KIAA0319: variants seen among roughly 807,000 people sequenced by gnomAD.
The protein encoded by KIAA0319 is dyslexia-associated protein KIAA0319.
A neutral mutation model predicts 108.4 loss-of-function variants in KIAA0319; 83 were observed. The ratio of observed to expected loss-of-function variants is 0.77; its 90% confidence interval spans 0.64 to 0.92. The LOEUF (loss-of-function observed/expected upper bound fraction) is 0.92. KIAA0319 is among the 40% of genes least tolerant of loss of function. The pLI, the probability that KIAA0319 is intolerant of heterozygous loss-of-function variation, is 0.00. For synonymous variants in KIAA0319, 484 were observed against 510.4 expected, an observed-to-expected ratio of 0.95 and a Z score of 0.70; for missense variants, 1,195 against 1,322.4, an observed-to-expected ratio of 0.90 and a Z score of 1.49.
chr6:24,554,688 T>C, intron 18 of KIAA0319, 57 bp from the exon 19 acceptor site: 1 of 1,209,814 alleles, frequency 8.3e-7, no homozygotes, highest in Non-Finnish European at 1.2e-6. Flanking sequence ...AGAACAACTT[T>C]ATTTTGATGA....
At chr6:24,618,769 TA>T (rs375873090) in intron 1 of KIAA0319, among the ~76,000 whole-genome samples, 3,652 of 142,790 alleles carry the variant, frequency 0.026, 63 homozygotes, top group East Asian at 0.086. Context: ...ATGAAATGTT[TA>T]AAAAAAAAAA....
intron 6 of KIAA0319, among the ~76,000 whole-genome samples, chr6:24,581,888 A>G (rs1766605842): frequency 6.6e-6 from 1 of 152,346 alleles, no homozygotes; most frequent in South Asian, 2.1e-4. Context: ...TCATGCCTGT[A>G]ATCCCAACAC....
intron 10 of KIAA0319, among the ~76,000 whole-genome samples, chr6:24,576,143 C>T (rs1765460865): frequency 6.6e-6 from 1 of 152,206 alleles, no homozygotes; most frequent in Admixed American, 6.5e-5. Flanking sequence ...ATTTTCAGCA[C>T]AGAGCCAATT....
intron 1 of KIAA0319, among the ~76,000 whole-genome samples, chr6:24,609,273 C>CAAAAAAAAAAAAAAAA (rs886616830): frequency 6.7e-5 from 5 of 74,714 alleles, no homozygotes; most frequent in African/African-American, 9.1e-5. Flanking sequence ...GTCTCAAAAA[C>CAAAAAAAAAAAAAAAA]AAAAAAAAAA....
rs757624577 is a variant in KIAA0319, at chr6:24,563,405, C to G, written c.2545G>C (p.Asp849His). 3.7e-6 allele frequency: 6 copies of G among 1,613,858 alleles called. No individual in the cohort carries two copies. The stretch of plus-strand genomic sequence containing the variant: ...ATCTTCTGGACCTTAATGTCCGAGT[C>G]CAGCACGTTCAGCAGCACAGCCAGC... ...RQLAVLLNVL[D>H]SDIKVQKIRA... Residue 849 changes from aspartate to histidine, a missense_variant, in exon 16 of 21, where the codon GAC becomes CAC. Coordinates refer to ENST00000378214, the MANE Select transcript of KIAA0319 (RefSeq NM_014809.4).
intron 3 of KIAA0319, among the ~76,000 whole-genome samples, chr6:24,595,465 T>C (rs1230343679): frequency 3.6e-5 from 5 of 138,082 alleles, no homozygotes; most frequent in African/African-American, 1.4e-4. Context: ...GAGAATGGCG[T>C]GAACCCAGGA....
At chr6:24,592,583 A>C (rs1262193641) in intron 3 of KIAA0319, among the ~76,000 whole-genome samples, 3 of 152,176 alleles carry the variant, frequency 2.0e-5, no homozygotes, top group Non-Finnish European at 4.4e-5. Context: ...ATGACTTCTT[A>C]TTATGCTATG....
chr6:24,619,905 C>T (rs1773686179), intron 1 of KIAA0319, among the ~76,000 whole-genome samples: 1 of 152,152 alleles, frequency 6.6e-6, no homozygotes, highest in African/African-American at 2.4e-5. Flanking sequence ...CAGAGCAAAC[C>T]AAATATAGTT....
rs185766695 is a variant in KIAA0319, at chr6:24,634,554, T to A, written c.-106+11182A>T. Among the ~76,000 whole-genome samples, 19 of 152,286 alleles carry A rather than the reference T, an allele frequency of 1.2e-4. No homozygotes were observed. The East Asian group carries it at 3.7e-3, about 29-fold the overall frequency. Reference sequence around the variant, plus strand: ...AGCAAACAGTAAATATCAGCTGATATAAGAGGCAGAATTCCAAAATGGCCC... The same window carrying A: ...AGCAAACAGTAAATATCAGCTGATAAAAGAGGCAGAATTCCAAAATGGCCC... On this transcript the variant is annotated intron_variant, in intron 1 of 20. Transcript: ENST00000378214.
rs770436022 is a variant in KIAA0319 at position 24,564,218 on chromosome 6, A to C, written c.2415T>G (p.Thr805=). The C allele has an allele frequency of 3.1e-6, 5 of 1,613,982 alleles. No individual in the cohort carries two copies. In the African/African-American group the frequency reaches 5.3e-5, roughly 17 times the overall value. Residue 805 remains threonine (T), a synonymous_variant, in exon 15 of 21, where the codon ACT becomes ACG. Coordinates refer to ENST00000378214, the MANE Select transcript of KIAA0319 (RefSeq NM_014809.4). ...GGAACTCACCTGGCTGCACTTCCAC[A>C]GTGGCAGTGTCTGTGTCCGAGGCCC... ...SQGASDTDTA[T]VEVQPDPRKS... is the part of the protein sequence containing the mutation.
In KIAA0319 at chr6:24,588,395, C is replaced by T. The variant is rs964989851; in HGVS notation, c.994+198G>A. On this transcript the variant is annotated intron_variant, in intron 4 of 20. Coordinates refer to ENST00000378214, the MANE Select transcript of KIAA0319 (RefSeq NM_014809.4). ...ACCTCTTTACCTGCCAGTCTCCTCT[C>T]CTGGACTATGGAGTCCCTGAGGGAA... Among the ~76,000 whole-genome samples the T allele has an allele frequency of 3.9e-5, 6 of 152,324 alleles. No individual in the cohort carries two copies. In the East Asian group the frequency reaches 1.2e-3, roughly 29 times the overall value.
intron 20 of KIAA0319, among the ~76,000 whole-genome samples, chr6:24,549,953 G>T (rs1277081522): frequency 6.6e-6 from 1 of 152,132 alleles, no homozygotes; most frequent in African/African-American, 2.4e-5. Flanking sequence ...ATAGAAACAG[G>T]AATGTCAGAA....
At chr6:24,572,366 A>C (rs1488812923) in intron 11 of KIAA0319, among the ~76,000 whole-genome samples, 1 of 152,202 alleles carries the variant, frequency 6.6e-6, no homozygotes, top group Non-Finnish European at 1.5e-5. Flanking sequence ...CGGAGCCCAC[A>C]AGCAGTGCTG....
At chr6:24,627,387 C>T (rs1371404076) in intron 1 of KIAA0319, among the ~76,000 whole-genome samples, 1 of 152,188 alleles carries the variant, frequency 6.6e-6, no homozygotes, top group African/African-American at 2.4e-5. Flanking sequence ...AGTGCTCAGT[C>T]ATAGCCATGG....
At chr6:24,621,970 T>A (rs146968264) in intron 1 of KIAA0319, among the ~76,000 whole-genome samples, 2,060 of 152,214 alleles carry the variant, frequency 0.014, 24 homozygotes, top group Non-Finnish European at 0.021. Flanking sequence ...GAGACGGAGA[T>A]CTACCTCCAT....
At chr6:24,629,269 A>G (rs1775166653) in intron 1 of KIAA0319, among the ~76,000 whole-genome samples, 1 of 152,084 alleles carries the variant, frequency 6.6e-6, no homozygotes, top group Non-Finnish European at 1.5e-5. Flanking sequence ...TAACCCCAGC[A>G]CTTTGGGATG....
chr6:24,550,636 C>T (rs1486643556), intron 20 of KIAA0319, among the ~76,000 whole-genome samples: 1 of 152,178 alleles, frequency 6.6e-6, no homozygotes, highest in South Asian at 2.1e-4. Context: ...GATAACGCAG[C>T]TGCTGAAAAA....
intron 12 of KIAA0319, 43 bp downstream of exon 12, chr6:24,569,860 T>C: frequency 4.4e-6 from 7 of 1,598,852 alleles, no homozygotes; most frequent in Non-Finnish European, 6.0e-6. Flanking sequence ...AATATTAGCA[T>C]TCAGCATGGG....
At chr6:24,542,311 C>A (rs147813959), downstream of KIAA0319, among the ~76,000 whole-genome samples, 1 of 152,094 alleles carries the variant, frequency 6.6e-6, no homozygotes, top group African/African-American at 2.4e-5. Flanking sequence ...ACTACAATAC[C>A]CCATTCCCAT....
Sources: gnomAD v4.1 joint callset for allele counts (sites outside exome capture counted in the v4.1 genomes callset) on GRCh38, gnomAD v4.1.1 for gene constraint, MANE v1.5 for transcripts, NCBI Gene and HGNC (gene_info 2026-07-23, HGNC 2026-07-21) for gene names.